Variants in ALDH1L2 observed in about 807,000 individuals in gnomAD.
ALDH1L2 encodes mitochondrial 10-formyltetrahydrofolate dehydrogenase.
In ALDH1L2, 91 loss-of-function variants were observed where a neutral mutation model predicts 111.0. That is an observed-to-expected ratio of 0.82 (90% confidence interval 0.69 to 0.98). The LOEUF (loss-of-function observed/expected upper bound fraction) is 0.98. ALDH1L2 is among the 50% of genes least tolerant of loss of function. The pLI is 0.00. For synonymous variants in ALDH1L2, 374 were observed against 392.6 expected (o/e 0.95, Z 0.56); for missense variants, 995 against 1,126.8 (o/e 0.88, Z 1.67).
At chr12:105,031,716 A>G (rs1034365130) in intron 20 of ALDH1L2, 53 bp downstream of exon 20, 142 of 1,585,430 alleles carry the variant, frequency 9.0e-5, no homozygotes, top group Non-Finnish European at 1.1e-4. Flanking sequence ...GTCGCTGTCC[A>G]TTCCAACTGA....
At chr12:105,040,557 C>T (rs1875471338) in intron 16 of ALDH1L2, 50 bp downstream of exon 16, 1 of 1,549,676 alleles carries the variant, frequency 6.5e-7, no homozygotes, top group Non-Finnish European at 8.9e-7. Context: ...CACTCAGCTA[C>T]CCCAGTACCA....
At chr12:105,052,723 A>G in intron 11 of ALDH1L2, 89 bp downstream of exon 11, 1 of 1,506,138 alleles carries the variant, frequency 6.6e-7, no homozygotes, top group Non-Finnish European at 9.0e-7. Flanking sequence ...AGAGAATAAA[A>G]GGGCTTCTTA....
intron 1 of ALDH1L2, among the ~76,000 whole-genome samples, chr12:105,081,879 G>A (rs1229544395): frequency 1.3e-5 from 2 of 152,118 alleles, no homozygotes; most frequent in African/African-American, 4.8e-5. Context: ...AGCATTGTTT[G>A]ATTTTTAAAT....
intron 1 of ALDH1L2, among the ~76,000 whole-genome samples, chr12:105,076,071 T>C (rs1318954484): frequency 6.6e-6 from 1 of 152,204 alleles, no homozygotes; most frequent in Non-Finnish European, 1.5e-5. Flanking sequence ...CAGGCTATTT[T>C]ACTTCAGTCT....
At chr12:105,079,702 A>T (rs1878243652) in intron 1 of ALDH1L2, among the ~76,000 whole-genome samples, 1 of 150,196 alleles carries the variant, frequency 6.7e-6, no homozygotes, top group South Asian at 2.1e-4. Flanking sequence ...ATTTTTAATT[A>T]TACATATTAC....
chr12:105,035,870 C>G (rs760086324), intron 18 of ALDH1L2, among the ~76,000 whole-genome samples: 1 of 66,498 alleles, frequency 1.5e-5, no homozygotes, highest in Non-Finnish European at 2.7e-5. Flanking sequence ...TGTGTGTATA[C>G]ACACACACAT....
chr12:105,040,588 C>T lies in ALDH1L2; in HGVS notation c.1951+19G>A, dbSNP rs368568766. On this transcript the variant is annotated intron_variant, in intron 16 of 22. Transcript: ENST00000258494. ...TACCATTCATTAGTTATAGCACAGT[C>T]GGTCATTTAGTGGCTTACCTGAGCC... 110 of 1,612,078 alleles carry T rather than the reference C, an allele frequency of 6.8e-5. No individual in the cohort carries two copies. Among genetic ancestry groups the T allele is most frequent in the Non-Finnish European group, 7.9e-5 (93 of 1,178,256 alleles).
Position 105,020,588 on chromosome 12 carries a change from CAGGTAGTGATA to C in ALDH1L2, c.*3825_*3835del, listed in dbSNP as rs150628871. 13 of 152,232 alleles carry C rather than the reference CAGGTAGTGATA, an allele frequency of 8.5e-5. No homozygotes were observed. The East Asian group carries it at 1.9e-3, about 23-fold the overall frequency. The allele number at this position is 152,232 out of a possible 1,614,324, so 9.4% of individuals were successfully genotyped here. On this transcript the variant is annotated 3_prime_UTR_variant, in exon 23 of 23. Coordinates refer to ENST00000258494, the MANE Select transcript of ALDH1L2 (RefSeq NM_001034173.4). ...GAAAAGATCATTGATTAATATACAA[CAGGTAGTGATA>C]AGTGCTATGAAAATAATGCACTTAT...
chr12:105,054,933 G>C (rs550247082), intron 10 of ALDH1L2, among the ~76,000 whole-genome samples: 1 of 152,208 alleles, frequency 6.6e-6, no homozygotes, highest in Admixed American at 6.5e-5. Context: ...AAAATAATCA[G>C]TGGCAATTAT....
chr12:105,068,764 A>G lies in ALDH1L2; in HGVS notation c.549T>C (p.Asp183=). ...SCDVEPNDTV[D]ALYNRFLFPE... is the part of the protein sequence containing the mutation. ...GAAAAAGAAACCGATTATAAAGTGC[A>G]TCCACTGTATCATTGGGTTCAACAT... Residue 183 remains aspartate, a synonymous_variant, in exon 4 of 23, where the codon GAT becomes GAC. Transcript: ENST00000258494. 6.3e-7 allele frequency: 1 copy of G among 1,594,338 alleles called. No individual in the cohort carries two copies. Among genetic ancestry groups the G allele is most frequent in the Non-Finnish European group, 8.5e-7 (1 of 1,170,722 alleles).
At position 105,019,873 on chromosome 12, in the gene ALDH1L2, A is replaced by T. The variant is rs1874076494; in HGVS notation, c.*4551T>A. ...AGGTAACAAATTAATATACAGTATTATGTTAATTATGTAAAAAAAGTATAC... is the reference window on the plus strand; with the variant it reads ...AGGTAACAAATTAATATACAGTATTTTGTTAATTATGTAAAAAAAGTATAC... On this transcript the variant is annotated 3_prime_UTR_variant, in exon 23 of 23. Coordinates refer to ENST00000258494, the MANE Select transcript of ALDH1L2 (RefSeq NM_001034173.4). The T allele has an allele frequency of 6.6e-6, 1 of 152,248 alleles. No homozygotes were observed. Among genetic ancestry groups the T allele is most frequent in the Non-Finnish European group, 1.5e-5 (1 of 68,046 alleles). 9.4% of individuals were successfully genotyped at this position (152,248 alleles called of 1,614,324 possible). A position where few individuals can be genotyped will look rare whatever the true frequency, so the allele number is the denominator to read the frequency against.
chr12:105,084,390 C>T lies in ALDH1L2; in HGVS notation c.47G>A (p.Arg16Gln), dbSNP rs770387670. 4.7e-5 allele frequency: 70 copies of T among 1,502,718 alleles called. No homozygotes were observed. Among genetic ancestry groups the T allele is most frequent in the Non-Finnish European group, 6.2e-5 (70 of 1,132,696 alleles). 93.1% of individuals were successfully genotyped at this position (1,502,718 alleles called of 1,614,324 possible). The change falls in exon 1 of 23, where the codon CGG becomes CAG. Residue 16 changes from arginine (R) to glutamine (Q), a missense_variant and splice_region_variant. Coordinates refer to ENST00000258494, the MANE Select transcript of ALDH1L2 (RefSeq NM_001034173.4). ...SQALRRFSTG[R>Q]VYFKNKLKLA... ...GACGCTCGCCCGGGCCGGACTCACC[C>T]GGCCAGTGGAGAAGCGCCGGAGCGC...
At chr12:105,035,839 A>ATGTGTGTG (rs1159145670) in intron 18 of ALDH1L2, among the ~76,000 whole-genome samples, 6,725 of 100,150 alleles carry the variant, frequency 0.067, 798 homozygotes, top group Middle Eastern at 0.12. Context: ...ATATATATAT[A>ATGTGTGTG]TGTGTGTGTG....
intron 10 of ALDH1L2, among the ~76,000 whole-genome samples, chr12:105,057,049 G>A (rs565327049): frequency 1.5e-4 from 22 of 151,386 alleles, no homozygotes; most frequent in African/African-American, 1.9e-4. Flanking sequence ...TACGAAGGAC[G>A]CTTAAGACTC....
chr12:105,075,727 A>G (rs1168889118), intron 1 of ALDH1L2, among the ~76,000 whole-genome samples: 1 of 152,236 alleles, frequency 6.6e-6, no homozygotes, highest in Non-Finnish European at 1.5e-5. Flanking sequence ...TTTCATGACT[A>G]TAAATATGTT....
At chr12:105,052,066 T>TA (rs748018274) in intron 12 of ALDH1L2, 24 bp downstream of exon 12, 159 of 1,552,872 alleles carry the variant, frequency 1.0e-4, no homozygotes, top group Non-Finnish European at 1.3e-4. Flanking sequence ...TTCTAAAAAA[T>TA]AAAAAAATAA....
intron 10 of ALDH1L2, among the ~76,000 whole-genome samples, chr12:105,054,817 C>T (rs1876514044): frequency 1.3e-5 from 2 of 152,168 alleles, no homozygotes; most frequent in Admixed American, 1.3e-4. Context: ...TCCTGAGTAG[C>T]TGGGACTACA....
At chr12:105,037,635 GCT>G (rs1270462280) in intron 18 of ALDH1L2, among the ~76,000 whole-genome samples, 1 of 152,124 alleles carries the variant, frequency 6.6e-6, no homozygotes, top group Non-Finnish European at 1.5e-5. Flanking sequence ...AAAACTAAGT[GCT>G]CTGAGTATTC....
Position 105,073,963 on chromosome 12 carries a change from T to C in ALDH1L2, c.91A>G (p.Ser31Gly), listed in dbSNP as rs747286186. 1 of 1,614,170 alleles carries C rather than the reference T, an allele frequency of 6.2e-7. No homozygotes were observed. The highest frequency in any genetic ancestry group is 1.1e-5 in the South Asian group (1 of 91,086). Reference sequence around the variant, plus strand: ...CTATAGACTTCTTGTCCAAAGAGGCTCTGGCCAATTAGTGCCAACTTCAGC... The same window carrying C: ...CTATAGACTTCTTGTCCAAAGAGGCCCTGGCCAATTAGTGCCAACTTCAGC... ...NKLKLALIGQ[S>G]LFGQEVYSHL... is the part of the protein sequence containing the mutation. Residue 31 changes from serine (S) to glycine (G), a missense_variant, in exon 2 of 23, where the codon AGC becomes GGC. By Grantham distance (56) the Ser-to-Gly change is moderately conservative (BLOSUM62 0). Coordinates refer to ENST00000258494, the MANE Select transcript of ALDH1L2 (RefSeq NM_001034173.4).
Sources: allele counts gnomAD v4.1 joint callset (sites outside exome capture counted in the v4.1 genomes callset), GRCh38; gene constraint gnomAD v4.1.1; transcripts MANE v1.5; gene names NCBI Gene and HGNC (gene_info 2026-07-23, HGNC 2026-07-21).